Variants in SAMD12 observed in about 807,000 individuals in gnomAD.
The protein encoded by SAMD12 is sterile alpha motif domain containing 12.
Under a neutral mutation model 15.0 loss-of-function variants are expected in SAMD12, and 9 were observed. The ratio of observed to expected loss-of-function variants is 0.60; its 90% CI spans 0.36 to 1.05. SAMD12 has a LOEUF of 1.05. SAMD12 is among the 50% of genes least tolerant of loss of function. SAMD12 has a pLI of 0.01. For synonymous variants in SAMD12, 86 were observed against 90.1 expected (o/e 0.96, Z 0.25); for missense variants, 230 against 234.2 (o/e 0.98, Z 0.12).
At chr8:118,617,978 G>A (rs1265608297) in intron 1 of SAMD12, among the ~76,000 whole-genome samples, 1 of 151,746 alleles carries the variant, frequency 6.6e-6, no homozygotes, top group Non-Finnish European at 1.5e-5. Flanking sequence ...CTCCTTCCAA[G>A]AGGTCCTAGT....
At chr8:118,154,208 C>A in the SAMD12 span, among the ~76,000 whole-genome samples, 2 of 151,868 alleles carry the variant, frequency 1.3e-5, no homozygotes, top group Non-Finnish European at 2.9e-5. Flanking sequence ...TTTATCAAGG[C>A]ACTCAAGGGC....
chr8:118,248,437 C>T (rs1429766166), intron 4 of SAMD12, among the ~76,000 whole-genome samples: 1 of 152,040 alleles, frequency 6.6e-6, no homozygotes, highest in East Asian at 1.9e-4. Context: ...TGGTGGTCAA[C>T]ACTGATGGAT....
At chr8:118,602,734 A>C (rs1279497534) in intron 1 of SAMD12, among the ~76,000 whole-genome samples, 2 of 152,220 alleles carry the variant, frequency 1.3e-5, no homozygotes, top group Admixed American at 1.3e-4. Context: ...TACAATGAAG[A>C]CCATGATCAA....
chr8:118,382,098 T>C (rs77578709), intron 3 of SAMD12, among the ~76,000 whole-genome samples: 6,374 of 152,296 alleles, frequency 0.042, 158 homozygotes, highest in African/African-American at 0.063. Context: ...ATATGGATAA[T>C]TGGCCTCCAA....
chr8:118,524,580 G>C (rs772958830), intron 2 of SAMD12, among the ~76,000 whole-genome samples: 4 of 152,002 alleles, frequency 2.6e-5, no homozygotes, highest in African/African-American at 4.8e-5. Context: ...ATATACCTGC[G>C]GCCTGGACTT....
intron 2 of SAMD12, among the ~76,000 whole-genome samples, chr8:118,479,736 C>A (rs1237163673): frequency 6.6e-6 from 1 of 151,964 alleles, no homozygotes; most frequent in African/African-American, 2.4e-5. Flanking sequence ...CCATGAGCAC[C>A]AGCAATCCTT....
At chr8:118,446,930 A>C (rs916088740) in intron 2 of SAMD12, among the ~76,000 whole-genome samples, 3 of 152,170 alleles carry the variant, frequency 2.0e-5, no homozygotes, top group Non-Finnish European at 4.4e-5. Flanking sequence ...TGATGACTTC[A>C]GTTTAATTTT....
At chr8:118,193,899 G>A (rs530200222) in exon 5 of SAMD12, 3 of 152,230 alleles carry the variant, frequency 2.0e-5, no homozygotes, top group Admixed American at 2.0e-4. Context: ...AGTCTAAGAC[G>A]ATTGACAAGT....
intron 4 of SAMD12, among the ~76,000 whole-genome samples, chr8:118,302,059 T>C (rs1356294726): frequency 6.8e-6 from 1 of 146,272 alleles, no homozygotes; most frequent in Non-Finnish European, 1.5e-5. Flanking sequence ...CAACATTTTC[T>C]AGCGCCAGAT....
intron 2 of SAMD12, among the ~76,000 whole-genome samples, chr8:118,517,407 C>T (rs1365099850): frequency 2.0e-5 from 3 of 152,124 alleles, no homozygotes; most frequent in Non-Finnish European, 4.4e-5. Context: ...GTACCATCTC[C>T]CATACAGCTG....
chr8:118,496,487 A>G (rs534585081), intron 2 of SAMD12, among the ~76,000 whole-genome samples: 1 of 152,368 alleles, frequency 6.6e-6, no homozygotes, highest in South Asian at 2.1e-4. Context: ...TCCCTATTCA[A>G]TAAATGGTGC....
At chr8:118,234,094 C>A (rs867166978) in intron 4 of SAMD12, among the ~76,000 whole-genome samples, 10 of 152,084 alleles carry the variant, frequency 6.6e-5, no homozygotes, top group African/African-American at 2.4e-4. Context: ...CAAAGAAAGA[C>A]AAACTAGAAA....
At chr8:118,580,626 A>G in intron 2 of SAMD12, 89 bp downstream of exon 2, 1 of 861,282 alleles carries the variant, frequency 1.2e-6, no homozygotes, top group Admixed American at 2.2e-5. Flanking sequence ...TAATTAGTGA[A>G]AGCACTATCA....
At chr8:118,224,280 C>A (rs1265855125) in intron 4 of SAMD12, among the ~76,000 whole-genome samples, 1 of 152,016 alleles carries the variant, frequency 6.6e-6, no homozygotes, top group South Asian at 2.1e-4. Flanking sequence ...ATAATAGTAC[C>A]CTCAGGTCAC....
chr8:118,608,696 G>C (rs1177099920), intron 1 of SAMD12, among the ~76,000 whole-genome samples: 1 of 152,050 alleles, frequency 6.6e-6, no homozygotes, highest in African/African-American at 2.4e-5. Context: ...TAGAGACAGG[G>C]TTTCGCTATG....
At chr8:118,419,518 A>G (rs961981718) in intron 3 of SAMD12, among the ~76,000 whole-genome samples, 3 of 152,196 alleles carry the variant, frequency 2.0e-5, no homozygotes, top group Non-Finnish European at 4.4e-5. Flanking sequence ...GTTTAGAGAC[A>G]CTAAGTGGCT....
intron 2 of SAMD12, among the ~76,000 whole-genome samples, chr8:118,556,020 A>G (rs1826519096): frequency 6.6e-6 from 1 of 152,218 alleles, no homozygotes; most frequent in Admixed American, 6.5e-5. Context: ...AGAAAAAAGA[A>G]GAGGAATAAG....
At chr8:118,610,807 C>T (rs1209039205) in intron 1 of SAMD12, among the ~76,000 whole-genome samples, 1 of 152,160 alleles carries the variant, frequency 6.6e-6, no homozygotes, top group African/African-American at 2.4e-5. Context: ...CATGAAAATA[C>T]ACATAATTTC....
At chr8:118,379,804 T>C in intron 3 of SAMD12, 104 bp from the exon 4 acceptor site, 1 of 1,386,650 alleles carries the variant, frequency 7.2e-7, no homozygotes. Context: ...AGTTTCTACC[T>C]AAACACAGAC....
Sources: allele counts gnomAD v4.1 joint callset (sites outside exome capture counted in the v4.1 genomes callset), GRCh38; gene constraint gnomAD v4.1.1; transcripts MANE v1.5; gene names NCBI Gene and HGNC (gene_info 2026-07-23, HGNC 2026-07-21).